The following NALCN variants were observed in gnomAD, a reference collection of about 807,000 sequenced individuals.
The protein encoded by NALCN is sodium leak channel, non-selective.
NALCN carries 111 observed loss-of-function variants against 225.3 expected under a neutral mutation model. The ratio of observed to expected loss-of-function variants is 0.49; its 90% CI spans 0.42 to 0.58. The LOEUF (loss-of-function observed/expected upper bound fraction) is 0.58. Ranked by LOEUF, NALCN falls within the 20% of genes least tolerant of loss-of-function variation. The pLI is 0.00. For synonymous variants in NALCN, 764 were observed against 769.0 expected, an observed-to-expected ratio of 0.99 and a Z score of 0.11; for missense variants, 1,378 against 2,202.4, an observed-to-expected ratio of 0.63 and a Z score of 7.49.
At chr13:101,229,341 T>C in intron 13 of NALCN, 52 bp downstream of exon 13, 2 of 1,411,470 alleles carry the variant, frequency 1.4e-6, no homozygotes, top group South Asian at 3.1e-5. Flanking sequence ...TTAATCATTA[T>C]TACTAAAATA....
In NALCN at chr13:101,143,106, C is replaced by T; in HGVS notation, c.2092G>A (p.Glu698Lys). 1 of 1,614,146 alleles carries T rather than the reference C, an allele frequency of 6.2e-7. No individual in the cohort carries two copies. Among genetic ancestry groups the T allele is most frequent in the Non-Finnish European group, 8.5e-7 (1 of 1,180,008 alleles). ...TTTTGGTCGATGTATTTGTTGTCCT[C>T]AATTGCTGAGCGTTTGGAGTGGTCG... ...SCDHSKRSAI[E>K]DNKYIDQKLR... Residue 698 changes from glutamate to lysine, a missense_variant, in exon 17 of 44, where the codon GAG (glutamate) becomes AAG (lysine). Physicochemically the swap from Glu to Lys is moderately conservative, Grantham distance 56 (BLOSUM62 1). This residue lies in a region of NALCN where 100 missense variants were observed against 89.4 expected (regional missense o/e 1.12). Coordinates refer to ENST00000251127, the MANE Select transcript of NALCN (RefSeq NM_052867.4).
At chr13:101,065,700 C>A in intron 39 of NALCN, 139 bp from the exon 40 acceptor site, 1 of 1,017,098 alleles carries the variant, frequency 9.8e-7, no homozygotes, top group Non-Finnish European at 1.4e-6. Context: ...TGGTCACCTC[C>A]TTGGAGCCTG....
intron 3 of NALCN, among the ~76,000 whole-genome samples, chr13:101,385,082 T>A (rs1237862944): frequency 6.6e-6 from 1 of 152,170 alleles, no homozygotes; most frequent in Non-Finnish European, 1.5e-5. Context: ...TCAGAACTCC[T>A]TGCAGAGCCT....
rs9518352 is a variant in NALCN, at chr13:101,237,689, A to G, written c.1434+66T>C. On this transcript the variant is annotated intron_variant, in intron 12 of 43. Coordinates refer to ENST00000251127, the MANE Select transcript of NALCN (RefSeq NM_052867.4). ...ATAATTCTATGTGGTTGTTAAAATA[A>G]TGTGACAGGTATTTACTCTGGAAAT... The G allele has an allele frequency of 0.64, 623,905 of 978,970 alleles. 202,419 individuals are homozygous for G. Among genetic ancestry groups the G allele is most frequent in the East Asian group, 0.93 (32,294 of 34,560 alleles). 60.6% of individuals were successfully genotyped at this position (978,970 alleles called of 1,614,324 possible).
At chr13:101,358,837 A>G (rs891751258) in intron 6 of NALCN, among the ~76,000 whole-genome samples, 5 of 152,236 alleles carry the variant, frequency 3.3e-5, no homozygotes, top group Non-Finnish European at 7.3e-5. Flanking sequence ...AATGTGGGAC[A>G]TATACACCAT....
chr13:101,128,303 A>G (rs1262253352), intron 17 of NALCN, among the ~76,000 whole-genome samples: 1 of 152,218 alleles, frequency 6.6e-6, no homozygotes, highest in East Asian at 1.9e-4. Context: ...AACAATATAG[A>G]GATATTTTAA....
intron 10 of NALCN, among the ~76,000 whole-genome samples, chr13:101,259,732 G>GTGTATATATA (rs1555324888): frequency 0.02 from 2,349 of 119,318 alleles, 41 homozygotes; most frequent in African/African-American, 0.033. Flanking sequence ...CATAGTAAGT[G>GTGTATATATA]TATATATATA....
chr13:101,073,558 C>T, intron 37 of NALCN, 26 bp downstream of exon 37: 3 of 1,578,248 alleles, frequency 1.9e-6, no homozygotes, highest in Non-Finnish European at 2.6e-6. Context: ...TAAGTCTAAG[C>T]CTTGTTCATG....
intron 18 of NALCN, among the ~76,000 whole-genome samples, chr13:101,119,990 A>C (rs1449901344): frequency 6.6e-6 from 1 of 152,158 alleles, no homozygotes; most frequent in Non-Finnish European, 1.5e-5. Context: ...TTCTCAAAAC[A>C]TCAATTAATT....
At chr13:101,131,868 A>T (rs1160170226) in intron 17 of NALCN, among the ~76,000 whole-genome samples, 1 of 152,150 alleles carries the variant, frequency 6.6e-6, no homozygotes, top group East Asian at 1.9e-4. Context: ...TGCCTCTGTC[A>T]TCTTTATAGA....
intron 15 of NALCN, among the ~76,000 whole-genome samples, chr13:101,154,572 G>A (rs1384497119): frequency 2.0e-5 from 3 of 152,076 alleles, no homozygotes; most frequent in East Asian, 3.9e-4. Flanking sequence ...CTAATTACGT[G>A]TGCTTTTCCC....
At chr13:101,151,472 G>A (rs539986340) in intron 15 of NALCN, among the ~76,000 whole-genome samples, 2 of 152,252 alleles carry the variant, frequency 1.3e-5, no homozygotes, top group South Asian at 2.1e-4. Flanking sequence ...AATCTAGTCC[G>A]TGTTAGTTTG....
intron 20 of NALCN, among the ~76,000 whole-genome samples, chr13:101,109,118 G>A (rs1449315668): frequency 6.6e-6 from 1 of 152,080 alleles, no homozygotes; most frequent in African/African-American, 2.4e-5. Flanking sequence ...TGTACATTTC[G>A]GTTGAAACAT....
chr13:101,115,284 C>T (rs182899766), intron 18 of NALCN, among the ~76,000 whole-genome samples: 5 of 152,134 alleles, frequency 3.3e-5, no homozygotes, highest in South Asian at 2.1e-4. Context: ...TTGCTTCTTA[C>T]GACTAAAAAC....
At chr13:101,225,843 A>G (rs1175800585) in intron 13 of NALCN, among the ~76,000 whole-genome samples, 1 of 152,168 alleles carries the variant, frequency 6.6e-6, no homozygotes, top group Non-Finnish European at 1.5e-5. Flanking sequence ...CTCTCCTAAT[A>G]ATATGCCTAG....
intron 13 of NALCN, among the ~76,000 whole-genome samples, chr13:101,208,802 C>T (rs1341524245): frequency 6.6e-6 from 1 of 152,164 alleles, no homozygotes; most frequent in Non-Finnish European, 1.5e-5. Context: ...CATGTGAAAC[C>T]GCTTGCTCCC....
chr13:101,093,590 A>G (rs1389259810), intron 28 of NALCN, among the ~76,000 whole-genome samples: 2 of 152,158 alleles, frequency 1.3e-5, no homozygotes, highest in Non-Finnish European at 2.9e-5. Context: ...CCCTAATAAT[A>G]CCTTCCATAA....
chr13:101,369,669 T>C (rs1039740486), intron 6 of NALCN, among the ~76,000 whole-genome samples: 2 of 152,210 alleles, frequency 1.3e-5, no homozygotes, highest in African/African-American at 4.8e-5. Context: ...AGCTGCTTTC[T>C]TATCCAGAAG....
At chr13:101,406,151 C>A (rs897921237) in intron 1 of NALCN, among the ~76,000 whole-genome samples, 426 of 114,000 alleles carry the variant, frequency 3.7e-3, no homozygotes, top group Admixed American at 4.4e-3. Context: ...CCCATCTCTA[C>A]AAAAAAAAAA....
Sources: allele counts gnomAD v4.1 joint callset (sites outside exome capture counted in the v4.1 genomes callset), GRCh38; gene constraint gnomAD v4.1.1; regional missense constraint gnomAD v4.1.1; transcripts MANE v1.5; gene names NCBI Gene and HGNC (gene_info 2026-07-23, HGNC 2026-07-21).